CEP152: variants seen among roughly 807,000 people sequenced by gnomAD.
CEP152 encodes the protein centrosomal protein 152, also known as centrosomal protein of 152 kDa.
Under a neutral mutation model 188.9 loss-of-function variants are expected in CEP152, and 132 were observed. The ratio of observed to expected loss-of-function variants is 0.70; its 90% confidence interval spans 0.61 to 0.81. The LOEUF (loss-of-function observed/expected upper bound fraction) is 0.81, where lower values mean the gene tolerates loss of function less well. Among genes scored for constraint, CEP152 ranks in the 30% least tolerant of loss-of-function variants. The pLI is 0.00. For missense variants in CEP152, 1,914 were observed against 1,969.8 expected (o/e 0.97, Z 0.54); for synonymous variants, 649 against 666.6 (o/e 0.97, Z 0.41).
chr15:48,746,847 G>A (rs1893470371), intron 22 of CEP152, among the ~76,000 whole-genome samples: 2 of 152,206 alleles, frequency 1.3e-5, no homozygotes, highest in South Asian at 4.1e-4. Flanking sequence ...CAGGTCTGCA[G>A]TGGTTAGGAA....
Position 48,744,927 on chromosome 15 carries a change from C to A in CEP152, c.3700G>T (p.Glu1234Ter). 6.2e-7 allele frequency: 1 copy of A among 1,610,656 alleles called. No homozygotes were observed. The highest frequency in any genetic ancestry group is 1.3e-5 in the African/African-American group (1 of 74,936). Reference protein sequence around the residue: ...ENNDMKNKLEELQTLCKTPPR... With the variant: ...ENNDMKNKLE ...GGTGTTTTACAAAGTGTTTGCAATT[C>A]TTCCAATTTATTCTTCATGTCGTTG... The change falls in exon 23 of 27, where the codon GAA becomes TAA. Residue 1234 changes from glutamate (E) to a stop codon, truncating the protein, a stop_gained. Transcript: ENST00000380950. LOFTEE classifies it high-confidence loss of function.
At chr15:48,775,705 T>C (rs1895847633) in intron 12 of CEP152, among the ~76,000 whole-genome samples, 1 of 152,048 alleles carries the variant, frequency 6.6e-6, no homozygotes, top group Non-Finnish European at 1.5e-5. Context: ...AGACAGGAAG[T>C]AGATTAGTAG....
chr15:48,784,327 A>G (rs1056811457), intron 9 of CEP152, among the ~76,000 whole-genome samples: 1 of 152,222 alleles, frequency 6.6e-6, no homozygotes, highest in Non-Finnish European at 1.5e-5. Flanking sequence ...TTCTTTTGTA[A>G]TTATGCTAAT....
intron 2 of CEP152, among the ~76,000 whole-genome samples, chr15:48,799,270 A>C (rs916866119): frequency 6.6e-6 from 1 of 152,164 alleles, no homozygotes; most frequent in African/African-American, 2.4e-5. Context: ...GTATTATATT[A>C]AGAATTACCA....
intron 15 of CEP152, 72 bp from the exon 16 acceptor site, chr15:48,767,535 T>G: frequency 6.2e-7 from 1 of 1,601,380 alleles, no homozygotes; most frequent in South Asian, 1.1e-5. Context: ...GTTTCCTTCC[T>G]TCCTCCTCAC....
Position 48,786,685 on chromosome 15 carries a change from A to AAAT in CEP152, c.1173+2113_1173+2115dup, listed in dbSNP as rs146906252. Among the ~76,000 whole-genome samples, 1,650 of 152,284 alleles carry AAAT rather than the reference A, an allele frequency of 0.011. 114 individuals are homozygous for AAAT. The East Asian group carries it at 0.17, about 16-fold the overall frequency. The stretch of plus-strand genomic sequence containing the variant: ...CATCAGTGCCATGCTCTGTTAAAAA[A>AAAT]AATAATAATAAAACAAAGTAAAAAT... On this transcript the variant is annotated intron_variant, in intron 9 of 26. Transcript: ENST00000380950.
At chr15:48,766,353 T>C (rs1895090709) in intron 17 of CEP152, among the ~76,000 whole-genome samples, 1 of 152,220 alleles carries the variant, frequency 6.6e-6, no homozygotes, top group South Asian at 2.1e-4. Flanking sequence ...GGTTTGCCGC[T>C]GGTCCAAAGT....
Position 48,756,351 on chromosome 15 carries a change from TCTTG to T in CEP152, c.2893_2896del (p.Gln965LysfsTer18). On this transcript the variant is annotated frameshift_variant, in exon 20 of 27. Coordinates refer to ENST00000380950, the MANE Select transcript of CEP152 (RefSeq NM_001194998.2). LOFTEE classifies it high-confidence loss of function. ...TTGTTCTTGGATTCTGTGGATTTCT[TCTTG>T]CTTTTCTTTGTTCCATTCACTCCGA... 7 of 1,575,288 alleles carry T rather than the reference TCTTG, an allele frequency of 4.4e-6. No individual in the cohort carries two copies. Among genetic ancestry groups the T allele is most frequent in the Non-Finnish European group, 6.0e-6 (7 of 1,164,650 alleles).
chr15:48,796,137 T>C lies in CEP152; in HGVS notation c.564A>G (p.Glu188=), dbSNP rs1375258778. Residue 188 remains glutamate (E), a synonymous_variant, in exon 6 of 27, where the codon GAA becomes GAG. Transcript: ENST00000380950. ...GTTTATATGTCACTTTATTATACGGTTCCAAACCTTGACAACTGGGACCCT... is the reference window on the plus strand; with the variant it reads ...GTTTATATGTCACTTTATTATACGGCTCCAAACCTTGACAACTGGGACCCT... ...HFQGPSCQGL[E]PYNKVTYKPY... 1.2e-6 allele frequency: 2 copies of C among 1,613,750 alleles called. No homozygotes were observed. The highest frequency in any genetic ancestry group is 1.7e-6 in the Non-Finnish European group (2 of 1,179,784).
rs187777184 is a variant in CEP152, at chr15:48,730,130, G to T, written c.142+11501C>A. On this transcript the variant is annotated intron_variant and NMD_transcript_variant, in intron 2 of 3. Transcript: ENST00000561245. ...TTTGGAAGATCAGTGAGACTCTGAG[G>T]CGTTCTTACCAGGGGCTGCTCCCAT... Among the ~76,000 whole-genome samples, 357 of 152,252 alleles carry T rather than the reference G, an allele frequency of 2.3e-3. 1 individual carries two copies. Among genetic ancestry groups the T allele is most frequent in the African/African-American group, 8.1e-3 (337 of 41,550 alleles).
intron 9 of CEP152, among the ~76,000 whole-genome samples, chr15:48,786,996 G>A (rs182835217): frequency 6.6e-6 from 1 of 152,122 alleles, no homozygotes; most frequent in East Asian, 1.9e-4. Context: ...CTCTTCTCCA[G>A]TCATCCAAGA....
intron 2 of CEP152, among the ~76,000 whole-genome samples, chr15:48,798,336 C>A (rs774470137): frequency 6.6e-6 from 1 of 151,372 alleles, no homozygotes; most frequent in Non-Finnish European, 1.5e-5. Context: ...TATGGAAACA[C>A]AGCAAGTCAC....
chr15:48,739,794 G>C (rs1021648510), intron 26 of CEP152, among the ~76,000 whole-genome samples: 1 of 152,200 alleles, frequency 6.6e-6, no homozygotes, highest in Non-Finnish European at 1.5e-5. Flanking sequence ...CATGAAATTA[G>C]AGGCATTGTA....
chr15:48,751,516 G>A (rs148349276), intron 21 of CEP152, among the ~76,000 whole-genome samples: 1 of 152,132 alleles, frequency 6.6e-6, no homozygotes, highest in Non-Finnish European at 1.5e-5. Flanking sequence ...TAAGATTCTG[G>A]TAACATTGCC....
intron 20 of CEP152, among the ~76,000 whole-genome samples, chr15:48,752,728 T>C (rs1893967485): frequency 6.6e-6 from 1 of 152,144 alleles, no homozygotes; most frequent in South Asian, 2.1e-4. Flanking sequence ...ACAGAAGATA[T>C]GGTTTGCACA....
chr15:48,750,137 C>T (rs905803686), intron 21 of CEP152, among the ~76,000 whole-genome samples: 4 of 152,064 alleles, frequency 2.6e-5, no homozygotes, highest in East Asian at 3.9e-4. Context: ...GAATGTTCTT[C>T]GCAACTATTT....
intron 13 of CEP152, among the ~76,000 whole-genome samples, chr15:48,771,731 T>G (rs1032278057): frequency 4.6e-5 from 7 of 152,202 alleles, no homozygotes; most frequent in Non-Finnish European, 8.8e-5. Flanking sequence ...TATCATTAAG[T>G]CAAAAATGCA....
Position 48,795,979 on chromosome 15 carries a change from ATTAAAAAATAAATATAAAC to A in CEP152, c.691+12_691+30del, listed in dbSNP as rs1398349451. On this transcript the variant is annotated intron_variant, in intron 6 of 26. Coordinates refer to ENST00000380950, the MANE Select transcript of CEP152 (RefSeq NM_001194998.2). ...ATTCAAATTTCCCCAATTATGTGGT[ATTAAAAAATAAATATAAAC>A]TTGATACCTACTCTCATTAGCTCCT... 3 of 1,595,516 alleles carry A rather than the reference ATTAAAAAATAAATATAAAC, an allele frequency of 1.9e-6. No homozygotes were observed. The highest frequency in any genetic ancestry group is 2.6e-6 in the Non-Finnish European group (3 of 1,163,522).
intron 7 of CEP152, among the ~76,000 whole-genome samples, chr15:48,792,012 G>A (rs79126387): frequency 6.6e-6 from 1 of 151,276 alleles, no homozygotes; most frequent in Non-Finnish European, 1.5e-5. Flanking sequence ...TCTTTTTTTT[G>A]AAACGGAGTT....
Sources: allele counts gnomAD v4.1 joint callset (sites outside exome capture counted in the v4.1 genomes callset), GRCh38; gene constraint gnomAD v4.1.1; transcripts MANE v1.5; gene names NCBI Gene and HGNC (gene_info 2026-07-23, HGNC 2026-07-21).